VAT1L: variants seen among roughly 807,000 people sequenced by gnomAD.
The protein encoded by VAT1L is putative NADPH-dependent quinone oxidoreductase VAT1L.
In VAT1L, 34 loss-of-function variants were observed where a neutral mutation model predicts 44.1. The observed-to-expected ratio is 0.77, with a 90% confidence interval of 0.59 to 1.03. The LOEUF is 1.03. Among genes scored for constraint, VAT1L ranks in the 50% least tolerant of loss-of-function variants. The pLI, the probability that VAT1L is intolerant of heterozygous loss-of-function variation, is 0.00. For synonymous variants in VAT1L, 253 were observed against 202.2 expected (o/e 1.25, Z -2.13); for missense variants, 615 against 538.8 (o/e 1.14, Z -1.40).
chr16:77,900,076 A>T (rs1597089646), intron 7 of VAT1L, among the ~76,000 whole-genome samples: 1 of 152,236 alleles, frequency 6.6e-6, no homozygotes, highest in African/African-American at 2.4e-5. Flanking sequence ...CTATTTGCAC[A>T]GCATTTACTT....
rs539732873 is a variant in VAT1L, at chr16:77,804,775, C to T, written c.234-12146C>T. 1.6e-4 allele frequency among the ~76,000 whole-genome samples: 24 copies of T among 152,222 alleles called. No individual in the cohort carries two copies. In the East Asian group the frequency reaches 3.3e-3, roughly 21 times the overall value. On this transcript the variant is annotated intron_variant, in intron 1 of 8. Transcript: ENST00000302536. ...GCTTCCTTCTTGAGGCTGGAAAAGG[C>T]GGTGGTCTTTAGCTCCAGCAGCCAT...
intron 3 of VAT1L, among the ~76,000 whole-genome samples, chr16:77,846,466 T>C (rs1399203366): frequency 1.3e-5 from 2 of 152,180 alleles, no homozygotes; most frequent in Non-Finnish European, 2.9e-5. Context: ...CCACCTTCAC[T>C]ACTGGCAATA....
rs1207760489 is a variant in VAT1L, at chr16:77,880,502, C to T, written c.882+1278C>T. On this transcript the variant is annotated intron_variant, in intron 6 of 8. Transcript: ENST00000302536. ...TATCATTTCAACACCCCTTCCCCAG[C>T]CCAAATTCCTTCTCTTCTTTGAAAT... Among the ~76,000 whole-genome samples, 5 of 150,502 alleles carry T rather than the reference C, an allele frequency of 3.3e-5. No individual in the cohort carries two copies. The South Asian group carries it at 8.4e-4, about 25-fold the overall frequency.
chr16:77,869,030 A>G (rs1346890873), intron 4 of VAT1L, among the ~76,000 whole-genome samples: 2 of 152,160 alleles, frequency 1.3e-5, no homozygotes, highest in African/African-American at 4.8e-5. Context: ...GATTTGAAGC[A>G]GTTAAGCACT....
chr16:77,836,993 A>G (rs1582977), intron 3 of VAT1L, among the ~76,000 whole-genome samples: 27,466 of 152,200 alleles, frequency 0.18, 2,543 homozygotes, highest in Non-Finnish European at 0.2. Flanking sequence ...AAACTGAGAC[A>G]CAGAGAGGTT....
At chr16:77,948,760 C>T (rs1435630594) in intron 7 of VAT1L, among the ~76,000 whole-genome samples, 1 of 152,114 alleles carries the variant, frequency 6.6e-6, no homozygotes, top group Non-Finnish European at 1.5e-5. Context: ...AAAATCCTAG[C>T]TCTTTGACAT....
chr16:77,810,836 T>C (rs1209228542), intron 1 of VAT1L, among the ~76,000 whole-genome samples: 1 of 152,204 alleles, frequency 6.6e-6, no homozygotes, highest in Non-Finnish European at 1.5e-5. Context: ...AAGTACTGTC[T>C]TCATAAAGTC....
intron 7 of VAT1L, among the ~76,000 whole-genome samples, chr16:77,921,042 G>A (rs2017606611): frequency 2.0e-5 from 3 of 152,116 alleles, no homozygotes; most frequent in South Asian, 4.2e-4. Context: ...CATTAGATCA[G>A]CAGTGGCAAA....
chr16:77,801,403 A>G (rs2016049472), intron 1 of VAT1L: 1 of 152,208 alleles, frequency 6.6e-6, no homozygotes, highest in Non-Finnish European at 1.5e-5. Flanking sequence ...AACGTTCCGC[A>G]ATAAGAAACA....
intron 7 of VAT1L, among the ~76,000 whole-genome samples, chr16:77,962,088 C>G (rs1222813187): frequency 1.3e-5 from 2 of 152,072 alleles, no homozygotes; most frequent in Non-Finnish European, 2.9e-5. Context: ...CCAGAACCTG[C>G]CAGTCATGCC....
At chr16:77,857,699 C>T (rs1421598483) in intron 3 of VAT1L, among the ~76,000 whole-genome samples, 2 of 149,958 alleles carry the variant, frequency 1.3e-5, no homozygotes, top group Admixed American at 6.7e-5. Context: ...TACATATACA[C>T]ATCATGGCTA....
In VAT1L at chr16:77,816,859, G is replaced by A. The variant is rs2016364579; in HGVS notation, c.234-62G>A. 1.3e-6 allele frequency: 2 copies of A among 1,500,320 alleles called. 1 individual carries two copies. Among genetic ancestry groups the A allele is most frequent in the South Asian group, 2.7e-5 (2 of 73,326 alleles). 92.9% of individuals were successfully genotyped at this position (1,500,320 alleles called of 1,614,324 possible). A position where few individuals can be genotyped will look rare whatever the true frequency, so the allele number is the denominator to read the frequency against. ...AAAGAAAAGAAAGAAAAGAAAACCA[G>A]GTCGGTGCTTTCTTTTGGATCTCAT... On this transcript the variant is annotated intron_variant, in intron 1 of 8. Coordinates refer to ENST00000302536, the MANE Select transcript of VAT1L (RefSeq NM_020927.3).
At chr16:77,904,150 A>G (rs927990392) in intron 7 of VAT1L, among the ~76,000 whole-genome samples, 3 of 149,484 alleles carry the variant, frequency 2.0e-5, no homozygotes, top group African/African-American at 7.4e-5. Flanking sequence ...ATTATTTTAC[A>G]CCACTCTATC....
chr16:77,806,423 A>C lies in VAT1L; in HGVS notation c.234-10498A>C, dbSNP rs1015251201. Among the ~76,000 whole-genome samples, 5 of 151,272 alleles carry C rather than the reference A, an allele frequency of 3.3e-5. No homozygotes were observed. The South Asian group carries it at 1.1e-3, about 32-fold the overall frequency. On this transcript the variant is annotated intron_variant, in intron 1 of 8. Coordinates refer to ENST00000302536, the MANE Select transcript of VAT1L (RefSeq NM_020927.3). ...GACAGGTTTCACCATGTTAGCCAGC[A>C]TGGTCTCGATTTCCTGACCTCGTGA...
At position 77,865,010 on chromosome 16, in the gene VAT1L, G is replaced by T. The variant is rs1187384966; in HGVS notation, c.722+2120G>T. On this transcript the variant is annotated intron_variant, in intron 4 of 8. Transcript: ENST00000302536. ...TTTTTTTGAGACGGAGTCTCGCTCT[G>T]TCACCCAGGCTGGAGTGCGGTGGTG... 2.5e-5 allele frequency among the ~76,000 whole-genome samples: 3 copies of T among 118,418 alleles called. No homozygotes were observed. The Admixed American group carries it at 3.7e-4, about 15-fold the overall frequency. 77.7% of individuals were successfully genotyped at this position (118,418 alleles called of 152,430 possible). A position where few individuals can be genotyped will look rare whatever the true frequency, so the allele number is the denominator to read the frequency against.
At chr16:77,927,102 G>C (rs926297184) in intron 7 of VAT1L, among the ~76,000 whole-genome samples, 1 of 152,056 alleles carries the variant, frequency 6.6e-6, no homozygotes, top group African/African-American at 2.4e-5. Context: ...ATTTTGGGAC[G>C]CCGAGGCAGG....
rs1338016581 is a variant in VAT1L, at chr16:77,932,840, AAGG to A, written c.1078-39006_1078-39004del. On this transcript the variant is annotated intron_variant, in intron 7 of 8. Transcript: ENST00000302536. ...CACAGAAATCCAAAGGGAAAAAACA[AAGG>A]AGGTCTTTCTTTACCAGGAGTGCTG... 3.9e-5 allele frequency among the ~76,000 whole-genome samples: 6 copies of A among 152,332 alleles called. No homozygotes were observed. The South Asian group carries it at 6.2e-4, about 16-fold the overall frequency.
intron 1 of VAT1L, among the ~76,000 whole-genome samples, chr16:77,794,713 C>G (rs568734646): frequency 4.6e-5 from 7 of 152,128 alleles, no homozygotes; most frequent in African/African-American, 1.4e-4. Flanking sequence ...AGGAGCCACT[C>G]TGACATGGAG....
Position 77,875,026 on chromosome 16 carries a change from C to G in VAT1L, c.723-1344C>G, listed in dbSNP as rs77070535. ...GATTGCAATCTTTGTTTTAGTAAAC[C>G]CTGCAGGTTATTACAGTGCACACTT... On this transcript the variant is annotated intron_variant, in intron 4 of 8. Coordinates refer to ENST00000302536, the MANE Select transcript of VAT1L (RefSeq NM_020927.3). Among the ~76,000 whole-genome samples the G allele has an allele frequency of 4.2e-3, 634 of 152,166 alleles. 7 individuals carry two copies. The highest frequency in any genetic ancestry group is 0.015 in the African/African-American group (614 of 41,510).
Sources: allele counts gnomAD v4.1 joint callset (sites outside exome capture counted in the v4.1 genomes callset), GRCh38; gene constraint gnomAD v4.1.1; transcripts MANE v1.5; gene names NCBI Gene and HGNC (gene_info 2026-07-23, HGNC 2026-07-21).